The following BCAS3 variants were observed in gnomAD, a reference collection of about 807,000 sequenced individuals.
BCAS3 encodes BCAS3 microtubule associated cell migration factor.
BCAS3 carries 53 observed loss-of-function variants against 116.1 expected under a neutral mutation model. The ratio of observed to expected loss-of-function variants is 0.46; its 90% CI spans 0.37 to 0.57. BCAS3 has a LOEUF of 0.57. BCAS3 is among the 20% of genes least tolerant of loss of function. The pLI is 0.00. For synonymous variants in BCAS3, 391 were observed against 408.2 expected (o/e 0.96, Z 0.51); for missense variants, 917 against 1,165.4 (o/e 0.79, Z 3.10).
intron 5 of BCAS3, among the ~76,000 whole-genome samples, chr17:60,744,208 G>A (rs1480213580): frequency 3.3e-5 from 5 of 152,084 alleles, no homozygotes; most frequent in Non-Finnish European, 7.4e-5. Flanking sequence ...TGTATTTATT[G>A]CTATTGTTGG....
chr17:61,187,301 CAT>C (rs900754648), intron 22 of BCAS3, among the ~76,000 whole-genome samples: 4 of 152,182 alleles, frequency 2.6e-5, no homozygotes, highest in East Asian at 1.9e-4. Flanking sequence ...ATGTTGCTGA[CAT>C]GTGTTCTCAG....
intron 22 of BCAS3, among the ~76,000 whole-genome samples, chr17:61,322,858 G>GAGAGAGAGAGAC (rs2055409200): frequency 1.5e-5 from 2 of 134,138 alleles, no homozygotes; most frequent in African/African-American, 5.9e-5. Flanking sequence ...GAGAGAGACA[G>GAGAGAGAGAGAC]AGAGAGAGAG....
intron 19 of BCAS3, chr17:61,070,015 C>T (rs1336625120): frequency 3.1e-6 from 5 of 1,595,154 alleles, no homozygotes; most frequent in Non-Finnish European, 4.3e-6. Flanking sequence ...CTTCCGGCAG[C>T]CGAAGACACT....
chr17:61,285,631 T>C lies in BCAS3; in HGVS notation c.2426-82696T>C, dbSNP rs1048773353. Among the ~76,000 whole-genome samples, 1 of 152,210 alleles carries C rather than the reference T, an allele frequency of 6.6e-6. No individual in the cohort carries two copies. The highest frequency in any genetic ancestry group is 1.5e-5 in the Non-Finnish European group (1 of 68,032). ...GTAAATAATGTACTTCTAATTGGCT[T>C]TGATTAAGTGCAAATTAGAATCACA... On this transcript the variant is annotated intron_variant, in intron 22 of 23. Transcript: ENST00000407086. This position sits in a 1 kb window ranked among gnomAD's most constrained non-coding sequence, Gnocchi z 5.4.
chr17:60,684,431 CTT>C (rs1203137026), intron 3 of BCAS3, among the ~76,000 whole-genome samples: 2 of 152,124 alleles, frequency 1.3e-5, no homozygotes, highest in African/African-American at 4.8e-5. Context: ...ATCTACATCT[CTT>C]TTATATTGAG....
intron 22 of BCAS3, among the ~76,000 whole-genome samples, chr17:61,123,886 T>C (rs1376751561): frequency 6.6e-6 from 1 of 152,194 alleles, no homozygotes; most frequent in Non-Finnish European, 1.5e-5. Flanking sequence ...GAACATAATT[T>C]TGAGAGAAGA....
chr17:60,855,258 TTTG>T (rs1440296065), intron 7 of BCAS3, among the ~76,000 whole-genome samples: 1 of 151,172 alleles, frequency 6.6e-6, no homozygotes, highest in African/African-American at 2.4e-5. Flanking sequence ...AGTTTTTTGT[TTTG>T]TTGTTGTTTT....
intron 12 of BCAS3, among the ~76,000 whole-genome samples, chr17:60,919,476 C>T (rs2058958029): frequency 6.6e-6 from 1 of 152,118 alleles, no homozygotes; most frequent in African/African-American, 2.4e-5. Context: ...AGGTGTGTGC[C>T]ACCACGCCCA....
chr17:61,285,483 A>G lies in BCAS3; in HGVS notation c.2426-82844A>G, dbSNP rs2051680705. On this transcript the variant is annotated intron_variant, in intron 22 of 23. Coordinates refer to ENST00000407086, the MANE Select transcript of BCAS3 (RefSeq NM_017679.5). The surrounding 1 kb of genome is among the most constrained non-coding windows in gnomAD (Gnocchi z 5.4). ...GGTTTGGTTTATCCATAGGATCTAG[A>G]CTAGACTAGACTAGAGGATTGACGC... Among the ~76,000 whole-genome samples, 1 of 152,148 alleles carries G rather than the reference A, an allele frequency of 6.6e-6. No individual in the cohort carries two copies. Among genetic ancestry groups the G allele is most frequent in the African/African-American group, 2.4e-5 (1 of 41,450 alleles).
At chr17:60,678,090 T>C (rs1217268883) in intron 1 of BCAS3, among the ~76,000 whole-genome samples, 176 bp downstream of exon 1, 2 of 151,846 alleles carry the variant, frequency 1.3e-5, no homozygotes, top group African/African-American at 4.8e-5. Flanking sequence ...GGTGGCTCCG[T>C]GTTGGAGGTT....
intron 22 of BCAS3, among the ~76,000 whole-genome samples, chr17:61,303,222 C>T (rs3853829): frequency 3.3e-5 from 5 of 152,284 alleles, no homozygotes; most frequent in Admixed American, 2.0e-4. Flanking sequence ...GAGCCAGAGC[C>T]GCACACTGCT....
At chr17:61,301,403 G>A (rs1293473958) in intron 22 of BCAS3, among the ~76,000 whole-genome samples, 1 of 152,190 alleles carries the variant, frequency 6.6e-6, no homozygotes, top group African/African-American at 2.4e-5. Flanking sequence ...GGAGGCCGAG[G>A]CGGGTGGATC....
At chr17:60,891,461 C>A (rs1013206367) in intron 10 of BCAS3, among the ~76,000 whole-genome samples, 1 of 152,168 alleles carries the variant, frequency 6.6e-6, no homozygotes, top group Admixed American at 6.5e-5. Context: ...AGTCAAATGT[C>A]GTGCTTTCAT....
chr17:60,905,259 A>G lies in BCAS3; in HGVS notation c.822+2556A>G, dbSNP rs4968524. ...ACAATTCTTCAGTATATAGGACGCT[A>G]TATATTGTGTCACAATCCATTTGAG... On this transcript the variant is annotated intron_variant, in intron 11 of 23. Transcript: ENST00000407086. Among the ~76,000 whole-genome samples, 986 of 152,320 alleles carry G rather than the reference A, an allele frequency of 6.5e-3. 33 individuals carry two copies. The highest frequency in any genetic ancestry group is 0.049 in the Admixed American group (743 of 15,298).
At chr17:61,312,081 T>C (rs913315235) in intron 22 of BCAS3, among the ~76,000 whole-genome samples, 1 of 152,196 alleles carries the variant, frequency 6.6e-6, no homozygotes, top group Non-Finnish European at 1.5e-5. Flanking sequence ...AATCGTTTGA[T>C]CTCTTGCTCC....
At position 61,034,931 on chromosome 17, in the gene BCAS3, C is replaced by A. The variant is rs1015759543; in HGVS notation, c.1762+141C>A. ...TTAATGTAATTAGCATGTCACTTCTCAACTACTCAAGCCTAGTCAAGAAGA... is the reference window on the plus strand; with the variant it reads ...TTAATGTAATTAGCATGTCACTTCTAAACTACTCAAGCCTAGTCAAGAAGA... On this transcript the variant is annotated intron_variant, in intron 17 of 23. Coordinates refer to ENST00000407086, the MANE Select transcript of BCAS3 (RefSeq NM_017679.5). The surrounding 1 kb of genome is among the most constrained non-coding windows in gnomAD (Gnocchi z 5.0). The A allele has an allele frequency of 9.8e-6, 7 of 711,516 alleles. No homozygotes were observed. Among genetic ancestry groups the A allele is most frequent in the African/African-American group, 1.8e-5 (1 of 54,620 alleles). 44.1% of individuals were successfully genotyped at this position (711,516 alleles called of 1,614,324 possible). A position where few individuals can be genotyped will look rare whatever the true frequency, so the allele number is the denominator to read the frequency against.
At chr17:60,730,880 C>T (rs1236321540) in intron 5 of BCAS3, among the ~76,000 whole-genome samples, 4 of 152,038 alleles carry the variant, frequency 2.6e-5, no homozygotes, top group African/African-American at 9.7e-5. Flanking sequence ...ATCAAATTGG[C>T]TTACAGGGTG....
chr17:60,741,796 A>C (rs1054818079), intron 5 of BCAS3, among the ~76,000 whole-genome samples: 2 of 152,232 alleles, frequency 1.3e-5, no homozygotes, highest in Non-Finnish European at 2.9e-5. Flanking sequence ...TGGAAAATTA[A>C]ATCTACAAAA....
intron 15 of BCAS3, among the ~76,000 whole-genome samples, chr17:61,011,815 G>T (rs2065129858): frequency 6.6e-6 from 1 of 152,014 alleles, no homozygotes; most frequent in Non-Finnish European, 1.5e-5. Context: ...TTTAACAATA[G>T]GTCCTGGAAG....
Sources: allele counts gnomAD v4.1 joint callset (sites outside exome capture counted in the v4.1 genomes callset), GRCh38; gene constraint gnomAD v4.1.1; non-coding constraint Gnocchi (gnomAD v3.1); transcripts MANE v1.5; gene names NCBI Gene and HGNC (gene_info 2026-07-23, HGNC 2026-07-21).